The following MYO9A variants were observed in gnomAD, a reference collection of about 807,000 sequenced individuals.
The protein encoded by MYO9A is myosin IXA, also known as unconventional myosin-IXa.
In MYO9A, 103 loss-of-function variants were observed where a neutral mutation model predicts 293.3. The observed-to-expected ratio is 0.35, with a 90% CI of 0.30 to 0.41. The LOEUF (loss-of-function observed/expected upper bound fraction) is 0.41. MYO9A is among the 10% of genes least tolerant of loss of function. MYO9A has a pLI of 1.00. For synonymous variants in MYO9A, 1,001 were observed against 1,035.7 expected (o/e 0.97, Z 0.64); for missense variants, 2,685 against 3,033.0 (o/e 0.89, Z 2.69).
intron 13 of MYO9A, among the ~76,000 whole-genome samples, chr15:71,966,668 TC>T (rs1035364765): frequency 6.6e-6 from 1 of 151,756 alleles, no homozygotes; most frequent in Non-Finnish European, 1.5e-5. Flanking sequence ...ATCATCTGGA[TC>T]CCCCCCAACC....
At chr15:71,910,531 T>C (rs970287971) in intron 19 of MYO9A, among the ~76,000 whole-genome samples, 1 of 152,198 alleles carries the variant, frequency 6.6e-6, no homozygotes, top group East Asian at 1.9e-4. Context: ...ATGAACATAC[T>C]TATACTTGCC....
At chr15:72,087,481 G>A (rs1233114310) in intron 1 of MYO9A, among the ~76,000 whole-genome samples, 3 of 152,202 alleles carry the variant, frequency 2.0e-5, no homozygotes, top group Admixed American at 6.5e-5. Flanking sequence ...CTCCTGCCAG[G>A]ATTCCAGAGG....
Position 72,007,989 on chromosome 15 carries a change from T to C in MYO9A, c.1254-37A>G, listed in dbSNP as rs200688401. ...AAACACAAATTATAGCTTAGTTGTG[T>C]CCATTCCCAAAGCTCATTTCATTCT... is the stretch of plus-strand genomic sequence containing the variant. On this transcript the variant is annotated intron_variant, in intron 7 of 41. Coordinates refer to ENST00000356056, the MANE Select transcript of MYO9A (RefSeq NM_006901.4). The C allele has an allele frequency of 5.1e-6, 8 of 1,583,432 alleles. No individual in the cohort carries two copies. The East Asian group carries it at 1.6e-4, about 31-fold the overall frequency.
intron 11 of MYO9A, among the ~76,000 whole-genome samples, chr15:71,983,767 G>A (rs182375035): frequency 1.4e-3 from 219 of 152,230 alleles, no homozygotes; most frequent in African/African-American, 4.6e-3. Flanking sequence ...ACAGGCGTGA[G>A]CCACCACGCC....
At chr15:72,020,571 C>T (rs769901659) in intron 5 of MYO9A, among the ~76,000 whole-genome samples, 2 of 152,156 alleles carry the variant, frequency 1.3e-5, no homozygotes, top group Non-Finnish European at 2.9e-5. Flanking sequence ...AAGAATTAAT[C>T]ATTAGTAACA....
At chr15:72,099,368 A>G (rs575360749) in intron 1 of MYO9A, among the ~76,000 whole-genome samples, 41 of 136,616 alleles carry the variant, frequency 3.0e-4, no homozygotes, top group African/African-American at 1.1e-3. Flanking sequence ...TGAACCTGGG[A>G]GGCAGAGGTT....
chr15:72,045,785 C>G lies in MYO9A; in HGVS notation c.779G>C (p.Ser260Thr). The G allele has an allele frequency of 1.2e-6, 2 of 1,614,084 alleles. No homozygotes were observed. The highest frequency in any genetic ancestry group is 1.7e-6 in the Non-Finnish European group (2 of 1,179,994). Reference protein sequence around the residue: ...NFLIHHLTALSQKGFASGVEQ... With the variant: ...NFLIHHLTALTQKGFASGVEQ... Reference sequence around the variant, plus strand: ...TACTCCACTGGCAAATCCTTTCTGACTGAGAGCAGTAAGGTGGTGAATAAG... The same window carrying G: ...TACTCCACTGGCAAATCCTTTCTGAGTGAGAGCAGTAAGGTGGTGAATAAG... Residue 260 changes from serine (S) to threonine (T), a missense_variant, in exon 2 of 42, where the codon AGT becomes ACT. This residue lies in a region of MYO9A where 289 missense variants were observed against 456.8 expected (regional missense o/e 0.63). Coordinates refer to ENST00000356056, the MANE Select transcript of MYO9A (RefSeq NM_006901.4).
intron 39 of MYO9A, among the ~76,000 whole-genome samples, chr15:71,833,365 A>G (rs542633228): frequency 8.7e-4 from 132 of 152,270 alleles, no homozygotes; most frequent in Middle Eastern, 3.4e-3. Context: ...AGTAAACTTT[A>G]AGAAGTATTA....
intron 29 of MYO9A, 147 bp downstream of exon 29, chr15:71,880,188 C>T: frequency 1.4e-6 from 1 of 723,700 alleles, no homozygotes; most frequent in Admixed American, 2.8e-5. Context: ...AATGCATATC[C>T]TATTATTCAC....
chr15:71,902,094 G>A (rs1388802050), intron 22 of MYO9A, among the ~76,000 whole-genome samples: 2 of 152,002 alleles, frequency 1.3e-5, no homozygotes, highest in African/African-American at 2.4e-5. Context: ...TTATATACCC[G>A]AAGAGGAAGA....
At chr15:72,030,802 G>A (rs1293602952) in intron 3 of MYO9A, among the ~76,000 whole-genome samples, 1 of 152,092 alleles carries the variant, frequency 6.6e-6, no homozygotes, top group Admixed American at 6.5e-5. Context: ...GAAATTATAG[G>A]GGTGCCTGGC....
chr15:71,900,702 C>T (rs1384722288), intron 23 of MYO9A, among the ~76,000 whole-genome samples: 1 of 152,056 alleles, frequency 6.6e-6, no homozygotes, highest in East Asian at 1.9e-4. Context: ...AATCCTGACA[C>T]ACATTCCAAA....
At chr15:71,940,522 C>A (rs1013186594) in intron 15 of MYO9A, among the ~76,000 whole-genome samples, 2 of 150,498 alleles carry the variant, frequency 1.3e-5, no homozygotes, top group African/African-American at 4.9e-5. Context: ...GGAGGAGGGG[C>A]GGAAATAGCA....
chr15:72,030,190 G>A (rs1015403234), intron 3 of MYO9A, among the ~76,000 whole-genome samples: 2 of 152,024 alleles, frequency 1.3e-5, no homozygotes, highest in African/African-American at 4.8e-5. Flanking sequence ...ACCAAAACAG[G>A]CTCTTACCTG....
chr15:72,116,340 AC>A (rs2080977264), intron 1 of MYO9A, among the ~76,000 whole-genome samples: 1 of 152,206 alleles, frequency 6.6e-6, no homozygotes, highest in African/African-American at 2.4e-5. Flanking sequence ...TCATCTTTAT[AC>A]CAATATTAAA....
chr15:71,968,737 G>A (rs2075938757), intron 12 of MYO9A, among the ~76,000 whole-genome samples: 2 of 152,092 alleles, frequency 1.3e-5, no homozygotes, highest in Admixed American at 1.3e-4. Flanking sequence ...ATCATCACTG[G>A]TGTAAATAAT....
At chr15:71,981,897 T>C (rs1293571918) in intron 11 of MYO9A, among the ~76,000 whole-genome samples, 2 of 151,992 alleles carry the variant, frequency 1.3e-5, no homozygotes, top group African/African-American at 2.4e-5. Context: ...CTAAGAGCTA[T>C]GAAATGTTCT....
At chr15:71,848,261 G>A (rs1482387099) in intron 39 of MYO9A, among the ~76,000 whole-genome samples, 2 of 151,534 alleles carry the variant, frequency 1.3e-5, no homozygotes, top group African/African-American at 2.4e-5. Flanking sequence ...ATATGTTACT[G>A]GTTGCAAAGG....
At chr15:71,871,361 C>T (rs1053534100) in intron 32 of MYO9A, among the ~76,000 whole-genome samples, 2 of 151,722 alleles carry the variant, frequency 1.3e-5, no homozygotes, top group Non-Finnish European at 2.9e-5. Context: ...GGCAACAGAG[C>T]GAGACCTAGT....
Sources: gnomAD v4.1 joint callset for allele counts (sites outside exome capture counted in the v4.1 genomes callset) on GRCh38, gnomAD v4.1.1 for gene constraint, gnomAD v4.1.1 regional missense constraint, MANE v1.5 for transcripts, NCBI Gene and HGNC (gene_info 2026-07-23, HGNC 2026-07-21) for gene names.